The following EBF3 variants were observed in gnomAD, a reference collection of about 807,000 sequenced individuals.
EBF3 encodes the protein transcription factor COE3.
Under a neutral mutation model 77.1 loss-of-function variants are expected in EBF3, and 18 were observed. The observed-to-expected ratio is 0.23, with a 90% CI of 0.16 to 0.35. EBF3 has a LOEUF of 0.35. Among genes scored for constraint, EBF3 ranks in the 10% least tolerant of loss-of-function variants. The pLI is 1.00. For synonymous variants in EBF3, 350 were observed against 343.5 expected (o/e 1.02, Z -0.21); for missense variants, 558 against 860.0 (o/e 0.65, Z 4.39).
chr10:129,917,107 G>T (rs922570702), intron 6 of EBF3, among the ~76,000 whole-genome samples: 3 of 150,648 alleles, frequency 2.0e-5, no homozygotes, highest in South Asian at 4.2e-4. Flanking sequence ...AGCAGTTCAC[G>T]CCTGTAATTC....
At chr10:129,959,714 C>G (rs531839233) in intron 4 of EBF3, among the ~76,000 whole-genome samples, 24 of 151,952 alleles carry the variant, frequency 1.6e-4, no homozygotes, top group African/African-American at 5.5e-4. Flanking sequence ...GGCCTCTGCA[C>G]GCTGCGGGCG....
rs1201340956 is a variant in EBF3, at chr10:129,912,074, C to T, written c.555-34225G>A. 3.9e-5 allele frequency among the ~76,000 whole-genome samples: 6 copies of T among 152,288 alleles called. No individual in the cohort carries two copies. The East Asian group carries it at 7.7e-4, about 20-fold the overall frequency. On this transcript the variant is annotated intron_variant, in intron 6 of 16. Coordinates refer to ENST00000440978, the MANE Select transcript of EBF3 (RefSeq NM_001375380.1). Reference sequence around the variant, plus strand: ...AATGCCACTGAATGAAGAGGGCTCCCGCTAGGACCCACAGGAGCAACTGCC... The same window carrying T: ...AATGCCACTGAATGAAGAGGGCTCCTGCTAGGACCCACAGGAGCAACTGCC...
At chr10:129,920,980 G>A (rs1479971531) in intron 6 of EBF3, among the ~76,000 whole-genome samples, 1 of 152,188 alleles carries the variant, frequency 6.6e-6, no homozygotes, top group East Asian at 1.9e-4. Context: ...AGCCTGAGGT[G>A]CCCTCGGTGG....
At chr10:129,945,928 G>C (rs1171134706) in intron 6 of EBF3, among the ~76,000 whole-genome samples, 5 of 151,590 alleles carry the variant, frequency 3.3e-5, no homozygotes, top group African/African-American at 1.2e-4. Context: ...GTGCTTTTAC[G>C]TTTAGTGGAG....
At chr10:129,875,295 C>T (rs1046546757) in intron 7 of EBF3, among the ~76,000 whole-genome samples, 2 of 145,656 alleles carry the variant, frequency 1.4e-5, no homozygotes, top group Non-Finnish European at 3.0e-5. Flanking sequence ...CTCCTGGGTT[C>T]AAGCCATTCT....
intron 6 of EBF3, among the ~76,000 whole-genome samples, chr10:129,927,593 GCCATGCCTC>G (rs1856759056): frequency 6.6e-6 from 1 of 152,186 alleles, no homozygotes; most frequent in African/African-American, 2.4e-5. Flanking sequence ...TTCTCGGGCA[GCCATGCCTC>G]CTATGCTGAC....
At chr10:129,928,182 G>A (rs1485530433) in intron 6 of EBF3, among the ~76,000 whole-genome samples, 2 of 152,212 alleles carry the variant, frequency 1.3e-5, no homozygotes, top group African/African-American at 4.8e-5. Flanking sequence ...GTGAACAGAC[G>A]TGTGAAGCAT....
intron 10 of EBF3, among the ~76,000 whole-genome samples, chr10:129,851,500 AAAAC>A (rs1392493080): frequency 3.3e-5 from 5 of 152,180 alleles, no homozygotes; most frequent in Admixed American, 3.3e-4. Context: ...AAACACAACA[AAAAC>A]AAATGTTATT....
intron 6 of EBF3, among the ~76,000 whole-genome samples, chr10:129,898,105 A>C (rs1854521124): frequency 6.6e-6 from 1 of 152,264 alleles, no homozygotes; most frequent in Non-Finnish European, 1.5e-5. Context: ...CTGCATGCAT[A>C]AAATGAGCTA....
At chr10:129,950,821 A>C (rs1221555892) in intron 6 of EBF3, among the ~76,000 whole-genome samples, 3 of 152,198 alleles carry the variant, frequency 2.0e-5, no homozygotes, top group African/African-American at 7.2e-5. Flanking sequence ...GTGTTCTGGC[A>C]AGCTGACGGA....
In EBF3 at chr10:129,921,254, C is replaced by T. The variant is rs553353879; in HGVS notation, c.554+36004G>A. Among the ~76,000 whole-genome samples, 58 of 152,214 alleles carry T rather than the reference C, an allele frequency of 3.8e-4. No individual in the cohort carries two copies. The South Asian group carries it at 9.5e-3, about 25-fold the overall frequency. ...TTCTCCAGCTGGGCACGACTGACGG[C>T]GGGGGTGGTCACTGCAGTGGGGCCA... On this transcript the variant is annotated intron_variant, in intron 6 of 16. Coordinates refer to ENST00000440978, the MANE Select transcript of EBF3 (RefSeq NM_001375380.1).
intron 6 of EBF3, among the ~76,000 whole-genome samples, chr10:129,916,827 G>A (rs1012481172): frequency 2.6e-5 from 4 of 152,214 alleles, no homozygotes; most frequent in African/African-American, 9.6e-5. Context: ...GGGAGGCACA[G>A]TGAGCAGGAC....
rs560130453 is a variant in EBF3 at position 129,952,763 on chromosome 10, A to C, written c.554+4495T>G. ...GGTGCTGTTTGTAAGGCTTGGTAATAATCATACATAATCGTTTGGAAATAT... is the reference window on the plus strand; with the variant it reads ...GGTGCTGTTTGTAAGGCTTGGTAATCATCATACATAATCGTTTGGAAATAT... On this transcript the variant is annotated intron_variant, in intron 6 of 16. Transcript: ENST00000440978. This position sits in a 1 kb window ranked among gnomAD's most constrained non-coding sequence, Gnocchi z 4.7. 6.6e-6 allele frequency among the ~76,000 whole-genome samples: 1 copy of C among 152,328 alleles called. No homozygotes were observed. The highest frequency in any genetic ancestry group is 2.4e-5 in the African/African-American group (1 of 41,566).
chr10:129,873,624 G>C (rs1168628683), intron 7 of EBF3, 28 bp from the exon 8 acceptor site: 2 of 1,491,134 alleles, frequency 1.3e-6, no homozygotes, highest in East Asian at 4.9e-5. Context: ...ATTTGAAAAT[G>C]GAATTGGCAA....
intron 6 of EBF3, among the ~76,000 whole-genome samples, chr10:129,915,462 GCACACACACA>G (rs3041735): frequency 1.4e-5 from 2 of 139,636 alleles, no homozygotes; most frequent in South Asian, 2.3e-4. Context: ...GCGCACACAT[GCACACACACA>G]CACACACACA....
chr10:129,854,868 G>A (rs936877344), intron 10 of EBF3, among the ~76,000 whole-genome samples: 6 of 152,232 alleles, frequency 3.9e-5, no homozygotes, highest in Non-Finnish European at 8.8e-5. Flanking sequence ...TGCAGCCTCC[G>A]CGTCGTTCAC....
At chr10:129,913,924 T>G (rs1332139925) in intron 6 of EBF3, among the ~76,000 whole-genome samples, 1 of 152,244 alleles carries the variant, frequency 6.6e-6, no homozygotes, top group East Asian at 1.9e-4. Context: ...CTCATCTCGC[T>G]TCTCATCCGA....
rs866824786 is a variant in EBF3 at position 129,936,604 on chromosome 10, G to A, written c.554+20654C>T. Among the ~76,000 whole-genome samples the A allele has an allele frequency of 4.6e-5, 7 of 151,294 alleles. No individual in the cohort carries two copies. In the South Asian group the frequency reaches 1.5e-3, roughly 32 times the overall value. On this transcript the variant is annotated intron_variant, in intron 6 of 16. Transcript: ENST00000440978. ...GGGCTATGGGGGACCCTCGGTCTGT[G>A]TGGGGAACCAGGGGTTATGGCAGGG...
intron 6 of EBF3, among the ~76,000 whole-genome samples, chr10:129,921,918 C>A (rs943142557): frequency 1.3e-5 from 2 of 152,242 alleles, no homozygotes; most frequent in Non-Finnish European, 1.5e-5. Context: ...CCTGGCCCGC[C>A]CCCTGTCTCT....
Sources: allele counts gnomAD v4.1 joint callset (sites outside exome capture counted in the v4.1 genomes callset), GRCh38; gene constraint gnomAD v4.1.1; non-coding constraint Gnocchi (gnomAD v3.1); transcripts MANE v1.5; gene names NCBI Gene and HGNC (gene_info 2026-07-23, HGNC 2026-07-21).